SNX30: variants seen among roughly 807,000 people sequenced by gnomAD.
The protein encoded by SNX30 is sorting nexin-30.
SNX30 carries 24 observed loss-of-function variants against 46.4 expected under a neutral mutation model. The ratio of observed to expected loss-of-function variants is 0.52; its 90% CI spans 0.37 to 0.73. The LOEUF (loss-of-function observed/expected upper bound fraction) is 0.73. SNX30 is among the 30% of genes least tolerant of loss of function. The pLI, the probability that SNX30 is intolerant of heterozygous loss-of-function variation, is 0.00. For synonymous variants in SNX30, 189 were observed against 211.5 expected, an observed-to-expected ratio of 0.89 and a Z score of 0.92; for missense variants, 533 against 555.7, an observed-to-expected ratio of 0.96 and a Z score of 0.41.
chr9:112,829,043 A>G (rs1210809851), intron 3 of SNX30, among the ~76,000 whole-genome samples: 1 of 152,138 alleles, frequency 6.6e-6, no homozygotes, highest in African/African-American at 2.4e-5. Context: ...TTCATTTACC[A>G]TAATGTTTCC....
chr9:112,782,820 G>T (rs1839866621), intron 1 of SNX30, among the ~76,000 whole-genome samples: 1 of 152,252 alleles, frequency 6.6e-6, no homozygotes, highest in African/African-American at 2.4e-5. Context: ...GAATGTTCAA[G>T]TCAGATGTGC....
At chr9:112,804,356 G>A (rs1452860997) in intron 1 of SNX30, among the ~76,000 whole-genome samples, 2 of 152,132 alleles carry the variant, frequency 1.3e-5, no homozygotes, top group Admixed American at 1.3e-4. Flanking sequence ...GTAGAGACGG[G>A]GTTTCACCAT....
chr9:112,789,136 C>T (rs922741980), intron 1 of SNX30, among the ~76,000 whole-genome samples: 1 of 152,098 alleles, frequency 6.6e-6, no homozygotes. Context: ...TCTCTTTGTT[C>T]GTGCCCTCTG....
intron 6 of SNX30, 47 bp from the exon 7 acceptor site, chr9:112,850,812 C>G: frequency 6.9e-7 from 1 of 1,444,290 alleles, no homozygotes; most frequent in Non-Finnish European, 9.7e-7. Flanking sequence ...GTGGGAGGCC[C>G]CTTTGTGGAC....
At chr9:112,814,325 C>T (rs1220272475) in intron 2 of SNX30, among the ~76,000 whole-genome samples, 1 of 152,230 alleles carries the variant, frequency 6.6e-6, no homozygotes, top group Non-Finnish European at 1.5e-5. Flanking sequence ...GCTGTAACCT[C>T]TGCCTCCCAG....
At chr9:112,753,077 G>C (rs546497308) in intron 1 of SNX30, among the ~76,000 whole-genome samples, 4 of 152,322 alleles carry the variant, frequency 2.6e-5, no homozygotes, top group Admixed American at 6.5e-5. Flanking sequence ...ATTGACACTG[G>C]TACAATGTGG....
At chr9:112,750,431 C>T (rs1460395913), upstream of SNX30, 1 of 152,294 alleles carries the variant, frequency 6.6e-6, no homozygotes, top group Admixed American at 6.5e-5. Flanking sequence ...GCCCCCAGCC[C>T]CAAGCGTGGC....
chr9:112,752,218 T>C (rs1370963995), intron 1 of SNX30, among the ~76,000 whole-genome samples: 1 of 152,188 alleles, frequency 6.6e-6, no homozygotes, highest in African/African-American at 2.4e-5. Flanking sequence ...AGAAGGTCAC[T>C]GAGCACTTAA....
intron 5 of SNX30, among the ~76,000 whole-genome samples, chr9:112,837,887 C>CTTTTTTTTTTTTTTTTTT (rs10713538): frequency 1.4e-5 from 1 of 71,176 alleles, no homozygotes. Context: ...TGGTTCTTTT[C>CTTTTTTTTTTTTTTTTTT]TTTTTTTTTT....
rs112265741 is a variant in SNX30, at chr9:112,846,448, A to G, written c.1015-4411A>G. Among the ~76,000 whole-genome samples, 823 of 152,260 alleles carry G rather than the reference A, an allele frequency of 5.4e-3. 7 individuals are homozygous for G. Among genetic ancestry groups the G allele is most frequent in the African/African-American group, 0.019 (783 of 41,536 alleles). ...TGGTTTCCATAGAATGAATATGTAA[A>G]AGGAGCATGTTGAAAGGGGTAACCT... On this transcript the variant is annotated intron_variant, in intron 6 of 8. Coordinates refer to ENST00000374232, the MANE Select transcript of SNX30 (RefSeq NM_001012994.2).
chr9:112,862,459 C>G (rs918758848), intron 7 of SNX30, among the ~76,000 whole-genome samples: 2 of 152,182 alleles, frequency 1.3e-5, no homozygotes, highest in African/African-American at 2.4e-5. Context: ...CGCTGGGCAT[C>G]TTTCCATTGA....
intron 5 of SNX30, 130 bp from the exon 6 acceptor site, chr9:112,838,368 G>A (rs1840798511): frequency 2.9e-6 from 2 of 689,972 alleles, no homozygotes; most frequent in East Asian, 5.3e-5. Flanking sequence ...AGAAGAGTGG[G>A]ATCAGGTGAG....
intron 1 of SNX30, among the ~76,000 whole-genome samples, chr9:112,765,119 C>G (rs1839514662): frequency 6.6e-6 from 1 of 152,120 alleles, no homozygotes; most frequent in African/African-American, 2.4e-5. Context: ...CTACCGGGTT[C>G]AGAAGCAGCT....
chr9:112,837,084 A>G (rs1195072950), intron 5 of SNX30, among the ~76,000 whole-genome samples: 2 of 152,320 alleles, frequency 1.3e-5, no homozygotes, highest in South Asian at 2.1e-4. Context: ...AAGCACGTTG[A>G]GGATTCCCCA....
intron 7 of SNX30, among the ~76,000 whole-genome samples, chr9:112,856,052 A>G (rs1430800024): frequency 1.3e-5 from 2 of 152,028 alleles, no homozygotes; most frequent in Non-Finnish European, 2.9e-5. Flanking sequence ...TCTGCGTTGG[A>G]CTCTTTTCAG....
At chr9:112,854,535 T>C (rs1382161377) in intron 7 of SNX30, among the ~76,000 whole-genome samples, 1 of 152,224 alleles carries the variant, frequency 6.6e-6, no homozygotes, top group Non-Finnish European at 1.5e-5. Context: ...TCACCTTCCC[T>C]CTTCCTGGTG....
chr9:112,752,679 G>A (rs1186427206), intron 1 of SNX30, among the ~76,000 whole-genome samples: 6 of 152,198 alleles, frequency 3.9e-5, no homozygotes, highest in African/African-American at 1.4e-4. Context: ...GTAGGAACTG[G>A]GGGTTAAACC....
At chr9:112,764,250 C>T (rs10817380) in intron 1 of SNX30, among the ~76,000 whole-genome samples, 9,327 of 152,192 alleles carry the variant, frequency 0.061, 624 homozygotes, top group African/African-American at 0.16. Context: ...AAGTGATGCA[C>T]GCACAGCGAG....
intron 6 of SNX30, among the ~76,000 whole-genome samples, chr9:112,842,725 C>G (rs2131467028): frequency 6.6e-6 from 1 of 152,354 alleles, no homozygotes; most frequent in South Asian, 2.1e-4. Flanking sequence ...AACTGTATCT[C>G]TTTCAGGACA....
Sources: allele counts gnomAD v4.1 joint callset (sites outside exome capture counted in the v4.1 genomes callset), GRCh38; gene constraint gnomAD v4.1.1; transcripts MANE v1.5; gene names NCBI Gene and HGNC (gene_info 2026-07-23, HGNC 2026-07-21).